SLC31A1: variants seen among roughly 807,000 people sequenced by gnomAD.
The protein encoded by SLC31A1 is high affinity copper uptake protein 1.
In SLC31A1, 5 loss-of-function variants were observed where a neutral mutation model predicts 17.2. The observed-to-expected ratio is 0.29, with a 90% CI of 0.15 to 0.61. The LOEUF (loss-of-function observed/expected upper bound fraction) is 0.61, where lower values mean the gene tolerates loss of function less well. Ranked by LOEUF, SLC31A1 falls within the 20% of genes least tolerant of loss-of-function variation. SLC31A1 has a pLI of 0.86. For missense variants in SLC31A1, 161 were observed against 241.4 expected, an observed-to-expected ratio of 0.67 and a Z score of 2.21; for synonymous variants, 76 against 78.8, an observed-to-expected ratio of 0.96 and a Z score of 0.19.
At chr9:113,234,513 C>T (rs190850306) in intron 1 of SLC31A1, among the ~76,000 whole-genome samples, 1,797 of 101,642 alleles carry the variant, frequency 0.018, 20 homozygotes, top group Middle Eastern at 0.1. Context: ...TTTTTTAGCT[C>T]TCACTTGTTG....
At position 113,261,494 on chromosome 9, in the gene SLC31A1, A is replaced by G. The variant is rs1831793320; in HGVS notation, c.*1021A>G. 6.6e-6 allele frequency: 1 copy of G among 151,930 alleles called. No individual in the cohort carries two copies. Among genetic ancestry groups the G allele is most frequent in the Admixed American group, 6.6e-5 (1 of 15,264 alleles). The allele number at this position is 151,930 out of a possible 1,614,324, so 9.4% of individuals were successfully genotyped here. ...ATGAACTTGCCAATCAAAAAATGAC[A>G]ATCAATTTGAGAAAATAGAAATAGA... On this transcript the variant is annotated 3_prime_UTR_variant, in exon 5 of 5. Coordinates refer to ENST00000374212, the MANE Select transcript of SLC31A1 (RefSeq NM_001859.4).
At chr9:113,255,403 T>C (rs989761747) in intron 1 of SLC31A1, among the ~76,000 whole-genome samples, 3 of 152,200 alleles carry the variant, frequency 2.0e-5, no homozygotes, top group African/African-American at 2.4e-5. Flanking sequence ...TTTGAACATA[T>C]ATTAAGCATA....
chr9:113,236,388 G>T (rs1831459619), intron 1 of SLC31A1, among the ~76,000 whole-genome samples: 1 of 150,258 alleles, frequency 6.7e-6, no homozygotes, highest in Non-Finnish European at 1.5e-5. Flanking sequence ...TTTTGAGATG[G>T]AGTCTCACTC....
chr9:113,225,644 T>A (rs975131740), intron 1 of SLC31A1, among the ~76,000 whole-genome samples: 2 of 152,170 alleles, frequency 1.3e-5, no homozygotes, highest in African/African-American at 4.8e-5. Context: ...ATACTAAATG[T>A]GAATAAAATG....
At chr9:113,260,082 A>C (rs951526495) in intron 4 of SLC31A1, among the ~76,000 whole-genome samples, 190 bp from the exon 5 acceptor site, 1 of 152,176 alleles carries the variant, frequency 6.6e-6, no homozygotes. Flanking sequence ...TATCTGGCCA[A>C]TGTTTATAAG....
chr9:113,229,088 C>T (rs142652456), intron 1 of SLC31A1, among the ~76,000 whole-genome samples: 1,700 of 152,284 alleles, frequency 0.011, 35 homozygotes, highest in African/African-American at 0.038. Context: ...TCAGGTGATC[C>T]GCCCGCCATG....
chr9:113,221,725 C>T (rs1323841582), intron 1 of SLC31A1, 47 bp downstream of exon 1: 5 of 233,508 alleles, frequency 2.1e-5, no homozygotes, highest in South Asian at 4.6e-5. Context: ...GCATGGGTAC[C>T]GTCCTTTTCC....
intron 1 of SLC31A1, among the ~76,000 whole-genome samples, chr9:113,233,261 G>GTAGA (rs1435549733): frequency 6.6e-6 from 1 of 152,218 alleles, no homozygotes; most frequent in Admixed American, 6.5e-5. Context: ...TAGAGAATGA[G>GTAGA]TAGATCTCCT....
At position 113,221,571 on chromosome 9, in the gene SLC31A1, G is replaced by C. The variant is rs566932233; in HGVS notation, c.-143G>C. 2 of 446,318 alleles carry C rather than the reference G, an allele frequency of 4.5e-6. No homozygotes were observed. Among genetic ancestry groups the C allele is most frequent in the African/African-American group, 2.0e-5 (1 of 50,260 alleles). 27.6% of individuals were successfully genotyped at this position (446,318 alleles called of 1,614,324 possible). The stretch of plus-strand genomic sequence containing the variant: ...ATCCTCGGCCTCGGTGGCGGTGGTG[G>C]ACACGTCGAGCCGGGTAGAAGTGGA... On this transcript the variant is annotated 5_prime_UTR_variant, in exon 1 of 5. Transcript: ENST00000374212.
intron 1 of SLC31A1, among the ~76,000 whole-genome samples, chr9:113,224,273 G>A (rs1472678055): frequency 2.6e-5 from 4 of 152,140 alleles, no homozygotes; most frequent in African/African-American, 7.2e-5. Flanking sequence ...CCTGGCCTAC[G>A]TTATCTATGG....
chr9:113,231,528 C>T (rs555997323), intron 1 of SLC31A1, among the ~76,000 whole-genome samples: 1 of 151,080 alleles, frequency 6.6e-6, no homozygotes, highest in East Asian at 2.0e-4. Flanking sequence ...CATGCTACTG[C>T]ACTCCAGCCG....
rs372279113 is a variant in SLC31A1 at position 113,248,197 on chromosome 9, A to G, written c.-35-7917A>G. Among the ~76,000 whole-genome samples, 5 of 151,838 alleles carry G rather than the reference A, an allele frequency of 3.3e-5. No homozygotes were observed. The East Asian group carries it at 7.9e-4, about 24-fold the overall frequency. On this transcript the variant is annotated intron_variant, in intron 1 of 4. Coordinates refer to ENST00000374212, the MANE Select transcript of SLC31A1 (RefSeq NM_001859.4). Reference sequence around the variant, plus strand: ...AAATTAGCCAGGTGTGGTGGTGTGCACCTGTAGTCCCGGCTACTTGGGAGG... The same window carrying G: ...AAATTAGCCAGGTGTGGTGGTGTGCGCCTGTAGTCCCGGCTACTTGGGAGG...
Position 113,256,682 on chromosome 9 carries a change from A to G in SLC31A1, c.129+405A>G, listed in dbSNP as rs566085650. The G allele has an allele frequency of 3.0e-4, 83 of 280,644 alleles. 1 individual carries two copies. The highest frequency in any genetic ancestry group is 1.9e-3 in the South Asian group (52 of 26,682). The allele number at this position is 280,644 out of a possible 1,614,324, so 17.4% of individuals were successfully genotyped here. ...CGAGACCATCCTAGCTAACACGGTG[A>G]AACCCCATCTCTACTAAAAATACAA... On this transcript the variant is annotated intron_variant, in intron 2 of 4. Transcript: ENST00000374212.
chr9:113,247,787 A>G (rs764477166), intron 1 of SLC31A1, among the ~76,000 whole-genome samples: 23 of 152,328 alleles, frequency 1.5e-4, no homozygotes, highest in Non-Finnish European at 1.8e-4. Context: ...AACAGTCAAT[A>G]TAGCATTTAC....
chr9:113,253,820 C>T (rs1269401960), intron 1 of SLC31A1, among the ~76,000 whole-genome samples: 1 of 152,020 alleles, frequency 6.6e-6, no homozygotes, highest in East Asian at 1.9e-4. Flanking sequence ...TTATGCCTAC[C>T]TGATGCTTTG....
intron 1 of SLC31A1, 140 bp downstream of exon 1, chr9:113,221,818 G>C (rs1831277268): frequency 6.0e-6 from 1 of 165,560 alleles, no homozygotes; most frequent in South Asian, 1.2e-4. Context: ...TAAAGACTGG[G>C]GCTTCGGCCC....
At position 113,256,996 on chromosome 9, in the gene SLC31A1, G is replaced by A. The variant is rs1272542489; in HGVS notation, c.130-117G>A. 2.6e-5 allele frequency: 23 copies of A among 872,534 alleles called. 1 individual carries two copies. Among genetic ancestry groups the A allele is most frequent in the South Asian group, 1.9e-4 (14 of 75,136 alleles). The allele number at this position is 872,534 out of a possible 1,614,324, so 54.0% of individuals were successfully genotyped here. ...ATGAGGGCAAAAGCCTCCCACTCAC[G>A]TGAATGTCTCTTATTATCCAGATCT... is the stretch of plus-strand genomic sequence containing the variant. On this transcript the variant is annotated intron_variant, in intron 2 of 4. Transcript: ENST00000374212.
intron 1 of SLC31A1, among the ~76,000 whole-genome samples, chr9:113,239,337 C>T (rs1831497512): frequency 6.6e-6 from 1 of 152,046 alleles, no homozygotes; most frequent in Non-Finnish European, 1.5e-5. Flanking sequence ...TAAGTTGTGC[C>T]CCTCAAACCA....
intron 1 of SLC31A1, among the ~76,000 whole-genome samples, chr9:113,229,836 A>G (rs979711162): frequency 6.6e-6 from 1 of 152,224 alleles, no homozygotes; most frequent in Non-Finnish European, 1.5e-5. Context: ...AGTAAGAGCC[A>G]AGAATAGGTA....
Sources: gnomAD v4.1 joint callset for allele counts (sites outside exome capture counted in the v4.1 genomes callset) on GRCh38, gnomAD v4.1.1 for gene constraint, MANE v1.5 for transcripts, NCBI Gene and HGNC (gene_info 2026-07-23, HGNC 2026-07-21) for gene names.